Variants in MSANTD1 observed in about 807,000 individuals in gnomAD.
MSANTD1 encodes myb/SANT-like DNA-binding domain-containing protein 1.
A neutral mutation model predicts 24.2 loss-of-function variants in MSANTD1; 7 were observed. The observed-to-expected ratio is 0.29, with a 90% CI of 0.16 to 0.54. The LOEUF is 0.54. MSANTD1 is among the 20% of genes least tolerant of loss of function. The pLI, the probability that MSANTD1 is intolerant of heterozygous loss-of-function variation, is 0.94. For synonymous variants in MSANTD1, 177 were observed against 181.1 expected (o/e 0.98, Z 0.18); for missense variants, 384 against 408.2 (o/e 0.94, Z 0.51).
At chr4:3,247,861 C>T (rs1722080184), upstream of MSANTD1, 2 of 152,300 alleles carry the variant, frequency 1.3e-5, no homozygotes, top group Admixed American at 6.5e-5. Flanking sequence ...CTGTCCTTCC[C>T]CTGAGAGCCT....
rs1243663286 is a variant in MSANTD1 at position 3,253,374 on chromosome 4, C to T, written c.488C>T (p.Pro163Leu). ...TSQTEASLSP[P>L]AKSTPLYFPY... ...CAGACCGAGGCGTCCCTGTCGCCGCCCGCTAAGTCCACCCCTCTGTACTTC... is the reference window on the plus strand; with the variant it reads ...CAGACCGAGGCGTCCCTGTCGCCGCTCGCTAAGTCCACCCCTCTGTACTTC... The change falls in exon 2 of 3, where the codon CCC (proline) becomes CTC (leucine). Residue 163 changes from proline (P) to leucine (L), a missense_variant. Pro to Leu is a moderately conservative substitution (Grantham distance 98). Coordinates refer to ENST00000438480, the MANE Select transcript of MSANTD1 (RefSeq NM_001042690.2). 4 of 1,611,160 alleles carry T rather than the reference C, an allele frequency of 2.5e-6. No individual in the cohort carries two copies. The Admixed American group carries it at 5.0e-5, about 20-fold the overall frequency.
chr4:3,250,817 C>A (rs1403543081), intron 1 of MSANTD1, among the ~76,000 whole-genome samples: 1 of 152,182 alleles, frequency 6.6e-6, no homozygotes, highest in Non-Finnish European at 1.5e-5. Flanking sequence ...CCCCCACTGC[C>A]CCCCTCAGGC....
intron 1 of MSANTD1, among the ~76,000 whole-genome samples, chr4:3,250,976 G>A (rs781531132): frequency 4.1e-4 from 63 of 152,370 alleles, no homozygotes; most frequent in Middle Eastern, 6.8e-3. Flanking sequence ...TCTGAGCCTT[G>A]AAGGAGGGGT....
chr4:3,246,324 T>C (rs999017224), upstream of MSANTD1, among the ~76,000 whole-genome samples: 1 of 152,114 alleles, frequency 6.6e-6, no homozygotes, highest in Non-Finnish European at 1.5e-5. Context: ...GACGCCCACC[T>C]CCTCTCTGGG....
chr4:3,255,232 T>C (rs1722350068), intron 2 of MSANTD1, among the ~76,000 whole-genome samples: 1 of 150,354 alleles, frequency 6.7e-6, no homozygotes, highest in South Asian at 2.1e-4. Context: ...TCTTTCTTTT[T>C]CTTTTTTTTT....
At chr4:3,246,136 A>G (rs991469754), upstream of MSANTD1, among the ~76,000 whole-genome samples, 10 of 151,964 alleles carry the variant, frequency 6.6e-5, no homozygotes, top group Non-Finnish European at 1.3e-4. Flanking sequence ...CCTGGCCCCA[A>G]TTGCTCTGGG....
chr4:3,255,549 G>A (rs896870880), intron 2 of MSANTD1, among the ~76,000 whole-genome samples, 176 bp from the exon 3 acceptor site: 1 of 152,162 alleles, frequency 6.6e-6, no homozygotes, highest in Non-Finnish European at 1.5e-5. Context: ...TGTCAAAGGC[G>A]GTGGGTTCTG....
upstream of MSANTD1, chr4:3,247,866 G>A (rs1028418935): frequency 2.0e-4 from 30 of 152,294 alleles, no homozygotes; most frequent in Admixed American, 2.0e-3. Context: ...CTTCCCCTGA[G>A]AGCCTCGGTC....
chr4:3,250,996 G>A (rs1406699509), intron 1 of MSANTD1, among the ~76,000 whole-genome samples: 1 of 152,268 alleles, frequency 6.6e-6, no homozygotes, highest in African/African-American at 2.4e-5. Context: ...TCCGGGGCCT[G>A]GCCCTGCCCA....
chr4:3,248,539 C>T (rs1722108133), upstream of MSANTD1: 1 of 152,490 alleles, frequency 6.6e-6, no homozygotes, highest in South Asian at 2.1e-4. Context: ...GTGTCTGCAC[C>T]TCTGGGCAGG....
At position 3,254,970 on chromosome 4, in the gene MSANTD1, C is replaced by T. The variant is rs976391057; in HGVS notation, c.597-755C>T. 6.6e-5 allele frequency among the ~76,000 whole-genome samples: 10 copies of T among 152,212 alleles called. 1 individual carries two copies. Among genetic ancestry groups the T allele is most frequent in the Admixed American group, 2.0e-4 (3 of 15,292 alleles). ...CCCTACAGGGGTCCTGAGTACTCTGCACTACCCAGCACCCCCCACCCCTGC... is the reference window on the plus strand; with the variant it reads ...CCCTACAGGGGTCCTGAGTACTCTGTACTACCCAGCACCCCCCACCCCTGC... On this transcript the variant is annotated intron_variant, in intron 2 of 2. Transcript: ENST00000438480.
At chr4:3,250,784 T>G (rs1285169517) in intron 1 of MSANTD1, among the ~76,000 whole-genome samples, 2 of 152,052 alleles carry the variant, frequency 1.3e-5, no homozygotes, top group Non-Finnish European at 2.9e-5. Flanking sequence ...TGAGAGCACC[T>G]GAGCCACTTG....
In MSANTD1 at chr4:3,256,059, C is replaced by T. The variant is rs931151677; in HGVS notation, c.*94C>T. On this transcript the variant is annotated 3_prime_UTR_variant, in exon 3 of 3. Coordinates refer to ENST00000438480, the MANE Select transcript of MSANTD1 (RefSeq NM_001042690.2). Reference sequence around the variant, plus strand: ...ACTCAGGCCAGGCGGGCAAGGGGGCCGCCCCGCGAGCGGAGACCGCCTTCC... The same window carrying T: ...ACTCAGGCCAGGCGGGCAAGGGGGCTGCCCCGCGAGCGGAGACCGCCTTCC... The T allele has an allele frequency of 2.1e-5, 29 of 1,378,332 alleles. No individual in the cohort carries two copies. Among genetic ancestry groups the T allele is most frequent in the African/African-American group, 4.6e-5 (3 of 65,512 alleles). 85.4% of individuals were successfully genotyped at this position (1,378,332 alleles called of 1,614,324 possible).
Position 3,249,499 on chromosome 4 carries a change from G to A in MSANTD1, c.277G>A (p.Glu93Lys), listed in dbSNP as rs750864012. The A allele has an allele frequency of 6.2e-6, 10 of 1,611,832 alleles. No individual in the cohort carries two copies. Among genetic ancestry groups the A allele is most frequent in the African/African-American group, 5.3e-5 (4 of 74,926 alleles). ...GATGACCGGCGAGCGCAGGCTGGGC[G>A]AGGAGATCAAGATCAAGATCACCAA... ...FEMTGERRLG[E>K]EIKIKITNMT... Residue 93 changes from glutamate (E) to lysine (K), a missense_variant, in exon 1 of 3, where the codon GAG becomes AAG. By Grantham distance (56) the Glu-to-Lys change is moderately conservative. Transcript: ENST00000438480.
intron 1 of MSANTD1, 81 bp downstream of exon 1, chr4:3,249,623 T>G: frequency 7.3e-7 from 1 of 1,369,686 alleles, no homozygotes; most frequent in Non-Finnish European, 1.0e-6. Context: ...CTTGGAGCTC[T>G]GAGTCGGGAC....
chr4:3,256,065 G>A lies in MSANTD1; in HGVS notation c.*100G>A, dbSNP rs1312786853. 50 of 1,361,594 alleles carry A rather than the reference G, an allele frequency of 3.7e-5. No individual in the cohort carries two copies. The Admixed American group carries it at 6.1e-4, about 16-fold the overall frequency. The allele number at this position is 1,361,594 out of a possible 1,614,324, so 84.3% of individuals were successfully genotyped here. On this transcript the variant is annotated 3_prime_UTR_variant, in exon 3 of 3. Transcript: ENST00000438480. ...GCCAGGCGGGCAAGGGGGCCGCCCC[G>A]CGAGCGGAGACCGCCTTCCACCTGG...
chr4:3,254,459 C>G (rs1722325435), intron 2 of MSANTD1, among the ~76,000 whole-genome samples: 1 of 152,204 alleles, frequency 6.6e-6, no homozygotes, highest in Non-Finnish European at 1.5e-5. Flanking sequence ...GACTCAGCTG[C>G]CTGGGGCCTT....
chr4:3,247,753 C>T (rs935248480), upstream of MSANTD1: 2 of 152,276 alleles, frequency 1.3e-5, no homozygotes, highest in African/African-American at 4.8e-5. Context: ...CCTCCCCATA[C>T]ACTTCCTATC....
intron 1 of MSANTD1, among the ~76,000 whole-genome samples, chr4:3,251,133 A>T (rs1321973100): frequency 6.6e-6 from 1 of 152,166 alleles, no homozygotes; most frequent in African/African-American, 2.4e-5. Context: ...GGTTCGGTGG[A>T]CACAGGCAGC....
Sources: allele counts gnomAD v4.1 joint callset (sites outside exome capture counted in the v4.1 genomes callset), GRCh38; gene constraint gnomAD v4.1.1; transcripts MANE v1.5; gene names NCBI Gene and HGNC (gene_info 2026-07-23, HGNC 2026-07-21).